Variants in NOMO2 observed in about 807,000 individuals in gnomAD.
NOMO2 encodes BOS complex subunit NOMO2.
Under a neutral mutation model 67.1 loss-of-function variants are expected in NOMO2, and 14 were observed. That is an observed-to-expected ratio of 0.21 (90% confidence interval 0.14 to 0.33). NOMO2 has a LOEUF of 0.33. Among genes scored for constraint, NOMO2 ranks in the 10% least tolerant of loss-of-function variants. The pLI is 1.00. For missense variants in NOMO2, 178 were observed against 761.0 expected, an observed-to-expected ratio of 0.23 and a Z score of 9.01; for synonymous variants, 80 against 305.9, an observed-to-expected ratio of 0.26 and a Z score of 7.71.
intron 1 of NOMO2, among the ~76,000 whole-genome samples, chr16:18,561,140 T>C (rs1248899683): frequency 6.0e-5 from 6 of 99,754 alleles, no homozygotes; most frequent in African/African-American, 2.5e-4. Flanking sequence ...CCCACCGGGC[T>C]GATAAACATT....
Position 18,550,751 on chromosome 16 carries a change from C to T in NOMO2, c.402+688G>A, listed in dbSNP as rs137952877. On this transcript the variant is annotated intron_variant, in intron 4 of 30. Transcript: ENST00000622306. ...GGTAAGTGTCGGAAGCAGATGCACG[C>T]TCTCTCTGGGAGAAGCTGACTTCAA... Among the ~76,000 whole-genome samples the T allele has an allele frequency of 8.4e-3, 1,285 of 152,200 alleles. 44 individuals carry two copies. The highest frequency in any genetic ancestry group is 0.063 in the Admixed American group (964 of 15,292).
At chr16:18,531,419 C>G (rs1162307123) in intron 13 of NOMO2, 47 bp downstream of exon 13, 3 of 1,613,234 alleles carry the variant, frequency 1.9e-6, no homozygotes, top group Non-Finnish European at 2.5e-6. Context: ...CTCCTACTGG[C>G]TGACTTCTTT....
At chr16:18,539,754 AAAAAAGAAATCCACCT>A (rs1408836652) in intron 9 of NOMO2, among the ~76,000 whole-genome samples, 1 of 151,648 alleles carries the variant, frequency 6.6e-6, no homozygotes, top group Non-Finnish European at 1.5e-5. Flanking sequence ...CTCAAAGAAA[AAAAAAGAAATCCACCT>A]AGACCACCCT....
chr16:18,543,320 A>G (rs2141739104), intron 7 of NOMO2, among the ~76,000 whole-genome samples: 1 of 144,918 alleles, frequency 6.9e-6, no homozygotes, highest in Admixed American at 7.0e-5. Flanking sequence ...CTGGGACTAC[A>G]GGCACGTGCC....
At chr16:18,528,990 TAC>T (rs1901223560) in intron 15 of NOMO2, among the ~76,000 whole-genome samples, 1 of 16,034 alleles carries the variant, frequency 6.2e-5, no homozygotes. Context: ...AAAAAAAAAA[TAC>T]ATATATATAT....
chr16:18,531,475 A>G lies in NOMO2; in HGVS notation c.1528T>C (p.Ser510Pro). The change falls in exon 13 of 31, where the codon TCT becomes CCT. Residue 510 changes from serine (S) to proline (P), a missense_variant. Ser to Pro is a moderately conservative substitution (Grantham distance 74, BLOSUM62 -1). Transcript: ENST00000622306. ...QFLASVSGKV[S>P]CLDTCGDLLV... Reference sequence around the variant, plus strand: ...TCCAGTGATATCTTACCCAAACAAGAGACTTTCCCAGAAACTGATGCCAAG... The same window carrying G: ...TCCAGTGATATCTTACCCAAACAAGGGACTTTCCCAGAAACTGATGCCAAG... 6.2e-7 allele frequency: 1 copy of G among 1,612,160 alleles called. No homozygotes were observed. The highest frequency in any genetic ancestry group is 2.2e-5 in the East Asian group (1 of 44,720).
At chr16:18,552,469 G>GCACACA (rs201636709) in intron 3 of NOMO2, among the ~76,000 whole-genome samples, 102 of 97,694 alleles carry the variant, frequency 1.0e-3, no homozygotes, top group Middle Eastern at 4.3e-3. Context: ...ACGCGTACAT[G>GCACACA]CACACACACA....
intron 5 of NOMO2, among the ~76,000 whole-genome samples, chr16:18,549,248 C>T (rs1207563539): frequency 6.6e-6 from 1 of 151,550 alleles, no homozygotes; most frequent in Non-Finnish European, 1.5e-5. Context: ...CCTGGCCTCC[C>T]AAAGTGCTGG....
rs1329480466 is a variant in NOMO2 at position 18,557,789 on chromosome 16, T to G, written c.168A>C (p.Ile56=). 4 of 1,600,586 alleles carry G rather than the reference T, an allele frequency of 2.5e-6. No individual in the cohort carries two copies. Among genetic ancestry groups the G allele is most frequent in the Non-Finnish European group, 3.4e-6 (4 of 1,172,674 alleles). ...DVEINYSLIE[I]KLYTKHGTLK... ...AAGTCCCATGCTTGGTGTACAGCTT[T>G]ATCTGGAAAGGAAGGAAGGAAAACA... The change falls in exon 2 of 31, where the codon ATA becomes ATC. Residue 56 remains isoleucine, a splice_region_variant and synonymous_variant. Transcript: ENST00000622306.
At chr16:18,558,518 G>A (rs1901963355) in intron 1 of NOMO2, among the ~76,000 whole-genome samples, 2 of 150,740 alleles carry the variant, frequency 1.3e-5, no homozygotes, top group Admixed American at 1.3e-4. Flanking sequence ...TGGAATGAGG[G>A]CCAGAAATCT....
rs1429649478 is a variant in NOMO2 at position 18,528,916 on chromosome 16, C to T, written c.1806+585G>A. 5.7e-3 allele frequency among the ~76,000 whole-genome samples: 794 copies of T among 138,504 alleles called. 5 individuals carry two copies. The highest frequency in any genetic ancestry group is 0.019 in the African/African-American group (718 of 38,204). The allele number at this position is 138,504 out of a possible 152,430, so 90.9% of individuals were successfully genotyped here. On this transcript the variant is annotated intron_variant, in intron 15 of 30. Coordinates refer to ENST00000622306, the MANE Select transcript of NOMO2 (RefSeq NM_173614.4). Reference sequence around the variant, plus strand: ...TCGGGAGGCGGAGGTTTCAGTGAGCCGAGATTGCGCCACTGCACTCCAGCC... The same window carrying T: ...TCGGGAGGCGGAGGTTTCAGTGAGCTGAGATTGCGCCACTGCACTCCAGCC...
intron 4 of NOMO2, among the ~76,000 whole-genome samples, chr16:18,550,250 TC>T (rs898120373): frequency 8.4e-6 from 1 of 119,626 alleles, no homozygotes; most frequent in African/African-American, 3.1e-5. Context: ...ACGCCTGTAA[TC>T]CCAGCTACTG....
chr16:18,551,273 G>C (rs540235159), intron 4 of NOMO2, among the ~76,000 whole-genome samples, 166 bp downstream of exon 4: 2 of 152,082 alleles, frequency 1.3e-5, no homozygotes, highest in African/African-American at 4.8e-5. Flanking sequence ...CACCTGCTGC[G>C]TTCTACACGG....
intron 5 of NOMO2, among the ~76,000 whole-genome samples, chr16:18,548,239 A>G (rs1413400743): frequency 6.7e-6 from 1 of 149,710 alleles, no homozygotes; most frequent in Admixed American, 6.7e-5. Context: ...GGCTCAAGAC[A>G]CTATTTTTTT....
At chr16:18,553,821 CT>C (rs1901844836) in intron 3 of NOMO2, among the ~76,000 whole-genome samples, 1 of 137,106 alleles carries the variant, frequency 7.3e-6, no homozygotes, top group South Asian at 2.6e-4. Context: ...CACCCTACCC[CT>C]GACTATAAAC....
At chr16:18,541,791 G>A (rs1208931269) in intron 9 of NOMO2, among the ~76,000 whole-genome samples, 2 of 140,640 alleles carry the variant, frequency 1.4e-5, no homozygotes, top group Admixed American at 7.2e-5. Context: ...GCAGTGAGAT[G>A]AGATCGTACC....
chr16:18,526,285 T>G (rs931079732), intron 16 of NOMO2, among the ~76,000 whole-genome samples: 4 of 151,984 alleles, frequency 2.6e-5, no homozygotes, highest in African/African-American at 9.7e-5. Context: ...GCGAAGGAGG[T>G]GAAGAAACCG....
Position 18,543,663 on chromosome 16 carries a change from A to T in NOMO2, c.689T>A (p.Met230Lys), listed in dbSNP as rs747108815. The T allele has an allele frequency of 1.2e-6, 2 of 1,611,640 alleles. No individual in the cohort carries two copies. ...AAAGAGAAGAAACTTCACCCCTTTC[A>T]TGGGCTCCCCATCACTTCGGACAGA... ...SGSVRSDGEP[M>K]KGVKFLLFSS... is the part of the protein sequence containing the mutation. Residue 230 changes from methionine (M) to lysine (K), a missense_variant, in exon 7 of 31, where the codon ATG becomes AAG. By Grantham distance (95) the Met-to-Lys change is moderately conservative. Coordinates refer to ENST00000622306, the MANE Select transcript of NOMO2 (RefSeq NM_173614.4).
At chr16:18,536,972 T>C (rs900823115) in intron 11 of NOMO2, among the ~76,000 whole-genome samples, 13 of 151,982 alleles carry the variant, frequency 8.6e-5, no homozygotes, top group Non-Finnish European at 1.5e-4. Context: ...ACCTCCCTGT[T>C]GGGCCCTACC....
Sources: allele counts gnomAD v4.1 joint callset (sites outside exome capture counted in the v4.1 genomes callset), GRCh38; gene constraint gnomAD v4.1.1; transcripts MANE v1.5; gene names NCBI Gene and HGNC (gene_info 2026-07-23, HGNC 2026-07-21).